Variants in ANK2 observed in about 807,000 individuals in gnomAD.
The protein encoded by ANK2 is ankyrin-2.
Under a neutral mutation model 360.5 loss-of-function variants are expected in ANK2, and 83 were observed. That is an observed-to-expected ratio of 0.23 (90% CI 0.19 to 0.28). ANK2 has a LOEUF of 0.28. ANK2 is among the 10% of genes least tolerant of loss of function. The pLI, the probability that ANK2 is intolerant of heterozygous loss-of-function variation, is 1.00. For missense variants in ANK2, 4,201 were observed against 4,795.7 expected (o/e 0.88, Z 3.66); for synonymous variants, 1,740 against 1,759.5 (o/e 0.99, Z 0.28).
chr4:113,156,351 A>G (rs185863813), intron 1 of ANK2, among the ~76,000 whole-genome samples: 56 of 151,048 alleles, frequency 3.7e-4, no homozygotes, highest in Non-Finnish European at 7.1e-4. Context: ...ACAAACGTAT[A>G]GAGTATATGT....
chr4:113,302,875 A>G (rs376624357), intron 23 of ANK2, 36 bp downstream of exon 23: 42 of 1,562,694 alleles, frequency 2.7e-5, no homozygotes, highest in Non-Finnish European at 3.6e-5. Flanking sequence ...GACACCTGTC[A>G]TGTTCTTACA....
chr4:113,060,706 A>G (rs1307026314), intron 1 of ANK2, among the ~76,000 whole-genome samples: 1 of 140,986 alleles, frequency 7.1e-6, no homozygotes, highest in East Asian at 2.0e-4. Context: ...TTTTTTCCCA[A>G]ATACGGTTTA....
intron 1 of ANK2, among the ~76,000 whole-genome samples, chr4:113,150,105 G>A (rs983030026): frequency 2.0e-5 from 3 of 151,930 alleles, no homozygotes; most frequent in African/African-American, 7.3e-5. Context: ...GGAACACCTC[G>A]TGGACAGAGC....
At chr4:113,071,569 G>T (rs1355197761) in intron 1 of ANK2, among the ~76,000 whole-genome samples, 1 of 152,076 alleles carries the variant, frequency 6.6e-6, no homozygotes, top group Non-Finnish European at 1.5e-5. Context: ...CAGCTAACAT[G>T]CGCAGTGTTC....
chr4:113,212,953 A>T (rs1370585720), intron 4 of ANK2, among the ~76,000 whole-genome samples: 1 of 152,214 alleles, frequency 6.6e-6, no homozygotes, highest in African/African-American at 2.4e-5. Flanking sequence ...TGTCAATTTG[A>T]GTATATGAAA....
chr4:112,755,185 T>G, the ANK2 span, among the ~76,000 whole-genome samples: 3 of 152,340 alleles, frequency 2.0e-5, no homozygotes, highest in East Asian at 5.8e-4. Flanking sequence ...TTGTCCTGTG[T>G]CAAGTTTCAC....
At chr4:112,757,203 C>T in the ANK2 span, among the ~76,000 whole-genome samples, 1 of 150,134 alleles carries the variant, frequency 6.7e-6, no homozygotes, top group African/African-American at 2.4e-5. Flanking sequence ...ACCTCCGCTT[C>T]CCGGGTTTGA....
intron 1 of ANK2, among the ~76,000 whole-genome samples, chr4:113,118,196 A>G (rs922720023): frequency 1.3e-5 from 2 of 152,200 alleles, no homozygotes; most frequent in Non-Finnish European, 2.9e-5. Context: ...TCATTTAGTC[A>G]GTGATCTAGA....
the ANK2 span, among the ~76,000 whole-genome samples, chr4:112,770,192 G>A: frequency 6.6e-6 from 1 of 152,100 alleles, no homozygotes; most frequent in African/African-American, 2.4e-5. Flanking sequence ...AATAAAACTG[G>A]TTTAGTTTCT....
At chr4:112,882,393 C>CA (rs1260981169) in intron 1 of ANK2, 1 of 152,028 alleles carries the variant, frequency 6.6e-6, no homozygotes, top group African/African-American at 2.4e-5. Flanking sequence ...TGCTTGATCT[C>CA]AGAGTTTCAG....
At chr4:113,076,455 G>GA (rs1315350323) in intron 1 of ANK2, among the ~76,000 whole-genome samples, 3 of 152,198 alleles carry the variant, frequency 2.0e-5, no homozygotes, top group Non-Finnish European at 4.4e-5. Flanking sequence ...TGAAGGAGAT[G>GA]ATATTAGAAA....
intron 1 of ANK2, among the ~76,000 whole-genome samples, chr4:113,151,511 C>T (rs2097083384): frequency 6.6e-6 from 1 of 152,040 alleles, no homozygotes; most frequent in African/African-American, 2.4e-5. Context: ...AGCAAAAACT[C>T]ACTCCTTATC....
Position 113,358,459 on chromosome 4 carries a change from C to T in ANK2, c.9841C>T (p.Gln3281Ter). Residue 3281 changes from glutamine (Q) to a stop codon, truncating the protein, a stop_gained, in exon 38 of 46, where the codon CAG (glutamine) becomes TAG (stop). Transcript: ENST00000357077. LOFTEE classifies it high-confidence loss of function. ...DDSPDSSPEE[Q>*]KSVIEIPTAP... is the part of the protein sequence containing the mutation. ...TTCTCCCGATTCTTCCCCAGAAGAA[C>T]AGAAATCAGTAATCGAGATTCCTAC... is the stretch of plus-strand genomic sequence containing the variant. 1 of 1,614,108 alleles carries T rather than the reference C, an allele frequency of 6.2e-7. No individual in the cohort carries two copies. Among genetic ancestry groups the T allele is most frequent in the Non-Finnish European group, 8.5e-7 (1 of 1,179,970 alleles).
chr4:112,895,854 A>G (rs1330083621), intron 1 of ANK2, among the ~76,000 whole-genome samples: 1 of 152,248 alleles, frequency 6.6e-6, no homozygotes, highest in Non-Finnish European at 1.5e-5. Flanking sequence ...CTTGGTTGAC[A>G]GTAATGTCAG....
At position 113,381,542 on chromosome 4, in the gene ANK2, G is replaced by T; in HGVS notation, c.*71G>T. On this transcript the variant is annotated 3_prime_UTR_variant, in exon 46 of 46. Coordinates refer to ENST00000357077, the MANE Select transcript of ANK2 (RefSeq NM_001148.6). ...ACGCATTGACTTGGAGCACCTGGAG[G>T]ATGTACCAGAAGCACTAGACCAGGA... 1 of 1,613,260 alleles carries T rather than the reference G, an allele frequency of 6.2e-7. No homozygotes were observed. Among genetic ancestry groups the T allele is most frequent in the Non-Finnish European group, 8.5e-7 (1 of 1,179,628 alleles).
At chr4:112,760,224 TTG>T in the ANK2 span, among the ~76,000 whole-genome samples, 1 of 151,742 alleles carries the variant, frequency 6.6e-6, no homozygotes, top group Non-Finnish European at 1.5e-5. Context: ...TCTCGCTCTG[TTG>T]TCCGGGCTGG....
intron 14 of ANK2, among the ~76,000 whole-genome samples, chr4:113,271,645 C>T (rs1165084651): frequency 6.6e-6 from 1 of 152,198 alleles, no homozygotes; most frequent in Non-Finnish European, 1.5e-5. Context: ...TCTTCTCAAT[C>T]AGGTTTAGAA....
intron 2 of ANK2, among the ~76,000 whole-genome samples, chr4:112,961,137 C>G (rs2034616638): frequency 6.6e-6 from 1 of 151,056 alleles, no homozygotes; most frequent in Non-Finnish European, 1.5e-5. Flanking sequence ...AAAAATATCA[C>G]TGCAGAAGAG....
chr4:113,369,629 C>T lies in ANK2; in HGVS notation c.11434C>T (p.Leu3812Phe), dbSNP rs1389704040. The T allele has an allele frequency of 6.2e-7, 1 of 1,614,118 alleles. No individual in the cohort carries two copies. The highest frequency in any genetic ancestry group is 1.1e-5 in the South Asian group (1 of 91,076). Residue 3812 changes from leucine (L) to phenylalanine (F), a missense_variant, in exon 43 of 46, where the codon CTC becomes TTC. By Grantham distance (22) the Leu-to-Phe change is conservative (BLOSUM62 0). Transcript: ENST00000357077. ...CCCTGCAGAGGAGGAGAAGCTGTAC[C>T]TCCAGACCCCAACATCCAGCGAGCG... ...STPAEEEKLYLQTPTSSERGG... is the reference protein window; with the variant it reads ...STPAEEEKLYFQTPTSSERGG...
Sources: gnomAD v4.1 joint callset for allele counts (sites outside exome capture counted in the v4.1 genomes callset) on GRCh38, gnomAD v4.1.1 for gene constraint, MANE v1.5 for transcripts, NCBI Gene and HGNC (gene_info 2026-07-23, HGNC 2026-07-21) for gene names.